MN1: variants seen among roughly 807,000 people sequenced by gnomAD.
MN1 encodes the protein transcriptional activator MN1.
Under a neutral mutation model 86.9 loss-of-function variants are expected in MN1, and 19 were observed. That is an observed-to-expected ratio of 0.22 (90% confidence interval 0.15 to 0.32). The LOEUF is 0.32. Among genes scored for constraint, MN1 ranks in the 10% least tolerant of loss-of-function variants. The pLI is 1.00. For missense variants in MN1, 1,841 were observed against 1,862.0 expected (o/e 0.99, Z 0.21); for synonymous variants, 928 against 849.6 (o/e 1.09, Z -1.60).
chr22:27,752,774 T>C (rs1932777001), intron 1 of MN1, among the ~76,000 whole-genome samples: 1 of 152,164 alleles, frequency 6.6e-6, no homozygotes, highest in Non-Finnish European at 1.5e-5. Context: ...TGATGTTGAA[T>C]TTCTGCCTCA....
At chr22:27,779,383 G>C (rs1933022024) in intron 1 of MN1, among the ~76,000 whole-genome samples, 1 of 152,172 alleles carries the variant, frequency 6.6e-6, no homozygotes, top group African/African-American at 2.4e-5. Flanking sequence ...CCCAGGCTAG[G>C]GGTTCGAACC....
intron 1 of MN1, among the ~76,000 whole-genome samples, chr22:27,768,321 G>A (rs928045945): frequency 6.6e-6 from 1 of 152,182 alleles, no homozygotes; most frequent in African/African-American, 2.4e-5. Context: ...CAGGGTCTGA[G>A]CCCTGGAGAA....
At chr22:27,754,673 C>T (rs1351767869) in intron 1 of MN1, among the ~76,000 whole-genome samples, 2 of 152,212 alleles carry the variant, frequency 1.3e-5, no homozygotes, top group East Asian at 3.9e-4. Context: ...GAGTCGCTGC[C>T]GATAAATCAG....
intron 1 of MN1, among the ~76,000 whole-genome samples, chr22:27,788,516 A>G (rs1933167740): frequency 6.6e-6 from 1 of 151,778 alleles, no homozygotes; most frequent in South Asian, 2.1e-4. Context: ...CCTCAGAAGT[A>G]TTTTACTCCT....
chr22:27,754,198 C>G (rs1048156687), intron 1 of MN1, among the ~76,000 whole-genome samples: 1 of 152,224 alleles, frequency 6.6e-6, no homozygotes, highest in Non-Finnish European at 1.5e-5. Context: ...ATGGGTAAGA[C>G]AGACCCAAAT....
At position 27,751,014 on chromosome 22, in the gene MN1, G is replaced by T. The variant is rs757168083; in HGVS notation, c.3864C>A (p.Asp1288Glu). ...LQCLSVHCTD[D>E]VGDAKARASV... Reference sequence around the variant, plus strand: ...AGGCTCGAGCCTTGGCGTCACCCACGTCGTCTGTGCAGTGGACAGACAGGC... The same window carrying T: ...AGGCTCGAGCCTTGGCGTCACCCACTTCGTCTGTGCAGTGGACAGACAGGC... The change falls in exon 2 of 2, where the codon GAC becomes GAA. Residue 1288 changes from aspartate to glutamate, a missense_variant. Asp to Glu is a conservative substitution (Grantham distance 45). Transcript: ENST00000302326. 1 of 1,612,910 alleles carries T rather than the reference G, an allele frequency of 6.2e-7. No homozygotes were observed. Among genetic ancestry groups the T allele is most frequent in the African/African-American group, 1.3e-5 (1 of 74,904 alleles).
intron 1 of MN1, among the ~76,000 whole-genome samples, chr22:27,792,489 T>G (rs1288312074): frequency 6.6e-6 from 1 of 151,962 alleles, no homozygotes; most frequent in East Asian, 1.9e-4. Context: ...TGTCCTTTAT[T>G]AATATTTAGT....
intron 1 of MN1, among the ~76,000 whole-genome samples, chr22:27,783,688 C>CA (rs954984427): frequency 1.2e-4 from 18 of 151,978 alleles, no homozygotes; most frequent in African/African-American, 4.3e-4. Flanking sequence ...GGGAGGGGCA[C>CA]AAAAAACAGG....
chr22:27,778,644 C>T (rs2073781), intron 1 of MN1, among the ~76,000 whole-genome samples: 5,951 of 152,310 alleles, frequency 0.039, 280 homozygotes, highest in East Asian at 0.13. Context: ...AACTGAGGCC[C>T]GGGGCAGTAA....
intron 1 of MN1, among the ~76,000 whole-genome samples, chr22:27,773,285 C>T (rs866101594): frequency 1.3e-5 from 2 of 152,320 alleles, no homozygotes; most frequent in African/African-American, 2.4e-5. Flanking sequence ...CAGCTGTTTT[C>T]GGGTGGCTCC....
At chr22:27,792,238 G>A (rs1053937049) in intron 1 of MN1, among the ~76,000 whole-genome samples, 1 of 149,676 alleles carries the variant, frequency 6.7e-6, no homozygotes, top group East Asian at 2.0e-4. Flanking sequence ...CCGGTCTGAA[G>A]GGGCCTCACA....
At chr22:27,761,242 G>A (rs5762345) in intron 1 of MN1, among the ~76,000 whole-genome samples, 1 of 147,486 alleles carries the variant, frequency 6.8e-6, no homozygotes, top group East Asian at 2.0e-4. Flanking sequence ...TCTCCCTCAT[G>A]TCTTGCTCTT....
chr22:27,750,781 GA>G lies in MN1; in HGVS notation c.*133del, dbSNP rs377485634. On this transcript the variant is annotated 3_prime_UTR_variant, in exon 2 of 2. Transcript: ENST00000302326. Reference sequence around the variant, plus strand: ...GCCACTAAGCAGGTACCAACCTAGAGAAAAAAAAAAAACTCATCCACTCAGC... The same window carrying G: ...GCCACTAAGCAGGTACCAACCTAGAGAAAAAAAAAAACTCATCCACTCAGC... 22,084 of 493,890 alleles carry G rather than the reference GA, an allele frequency of 0.045. 181 individuals carry two copies. The highest frequency in any genetic ancestry group is 0.051 in the Non-Finnish European group (17,630 of 343,078). The allele number at this position is 493,890 out of a possible 1,614,324, so 30.6% of individuals were successfully genotyped here.
intron 1 of MN1, among the ~76,000 whole-genome samples, chr22:27,781,386 G>C (rs933812583): frequency 3.3e-5 from 5 of 152,100 alleles, no homozygotes; most frequent in African/African-American, 1.2e-4. Flanking sequence ...CACCCATCAG[G>C]GACCCATAGC....
chr22:27,799,065 G>A lies in MN1; in HGVS notation c.1479C>T (p.Gly493=), dbSNP rs368223308. 54 of 1,610,034 alleles carry A rather than the reference G, an allele frequency of 3.4e-5. No homozygotes were observed. In the African/African-American group the frequency reaches 6.1e-4, roughly 18 times the overall value. ...CAGGCGGTGTGAACTCGCCGGGTAG[G>A]CCTGGGTAGGCGGAAGGGGAGAGGT... ...DNHLSPSAYP[G]LPGEFTPPVP... is the part of the protein sequence containing the mutation. The change falls in exon 1 of 2, where the codon GGC becomes GGT. Residue 493 remains glycine (G), a synonymous_variant. Transcript: ENST00000302326.
Position 27,750,220 on chromosome 22 carries a change from G to A in MN1, c.*695C>T, listed in dbSNP as rs1478968007. On this transcript the variant is annotated 3_prime_UTR_variant, in exon 2 of 2. Transcript: ENST00000302326. ...AGAACTCAAGTGGAAGGGAACTGAA[G>A]GCTGAGCACTGTGTTTGCAGGAATG... The A allele has an allele frequency of 8.6e-6, 2 of 231,526 alleles. No homozygotes were observed. The highest frequency in any genetic ancestry group is 1.7e-5 in the Non-Finnish European group (2 of 117,032). The allele number at this position is 231,526 out of a possible 1,614,324, so 14.3% of individuals were successfully genotyped here.
At position 27,749,266 on chromosome 22, in the gene MN1, G is replaced by T. The variant is rs1483365538; in HGVS notation, c.*1649C>A. 5 of 231,520 alleles carry T rather than the reference G, an allele frequency of 2.2e-5. No individual in the cohort carries two copies. Among genetic ancestry groups the T allele is most frequent in the African/African-American group, 8.8e-5 (4 of 45,276 alleles). 14.3% of individuals were successfully genotyped at this position (231,520 alleles called of 1,614,324 possible). A position where few individuals can be genotyped will look rare whatever the true frequency, so the allele number is the denominator to read the frequency against. On this transcript the variant is annotated 3_prime_UTR_variant, in exon 2 of 2. Transcript: ENST00000302326. ...GAAATAAACAACGTGGGTGTTGTATGGTGAGCCCAGAGCCTTCAGGTCACT... is the reference window on the plus strand; with the variant it reads ...GAAATAAACAACGTGGGTGTTGTATTGTGAGCCCAGAGCCTTCAGGTCACT...
Position 27,798,951 on chromosome 22 carries a change from C to T in MN1, c.1593G>A (p.Gln531=), listed in dbSNP as rs777723996. The T allele has an allele frequency of 1.2e-5, 19 of 1,574,026 alleles. No homozygotes were observed. In the African/African-American group the frequency reaches 1.6e-4, roughly 14 times the overall value. Residue 531 remains glutamine (Q), a synonymous_variant, in exon 1 of 2, where the codon CAG becomes CAA. Coordinates refer to ENST00000302326, the MANE Select transcript of MN1 (RefSeq NM_002430.3). ...SLQQQQQQQQ[Q]QQQQQQQQQQ... ...GCTGCTGCTGCTGCTGCTGTTGCTG[C>T]TGCTGCTGCTGCTGCTGCTGCTGTT...
chr22:27,748,461 C>A lies in MN1; in HGVS notation c.*2454G>T, dbSNP rs1189142857. 1.0e-5 allele frequency: 2 copies of A among 193,760 alleles called. No individual in the cohort carries two copies. Among genetic ancestry groups the A allele is most frequent in the African/African-American group, 4.6e-5 (2 of 43,086 alleles). The allele number at this position is 193,760 out of a possible 1,614,324, so 12.0% of individuals were successfully genotyped here. Reference sequence around the variant, plus strand: ...AACCAAGCATTTCAGAAATGAATTTCTTTTAAGAGTCAAAAAAGATTACAG... The same window carrying A: ...AACCAAGCATTTCAGAAATGAATTTATTTTAAGAGTCAAAAAAGATTACAG... On this transcript the variant is annotated 3_prime_UTR_variant, in exon 2 of 2. Transcript: ENST00000302326.
Sources: allele counts gnomAD v4.1 joint callset (sites outside exome capture counted in the v4.1 genomes callset), GRCh38; gene constraint gnomAD v4.1.1; transcripts MANE v1.5; gene names NCBI Gene and HGNC (gene_info 2026-07-23, HGNC 2026-07-21).